KHDRBS2: variants seen among roughly 807,000 people sequenced by gnomAD.
KHDRBS2 encodes KH RNA binding domain containing, signal transduction associated 2.
Under a neutral mutation model 44.3 loss-of-function variants are expected in KHDRBS2, and 26 were observed. That is an observed-to-expected ratio of 0.59 (90% CI 0.43 to 0.81). The LOEUF (loss-of-function observed/expected upper bound fraction) is 0.81. Among genes scored for constraint, KHDRBS2 ranks in the 40% least tolerant of loss-of-function variants. KHDRBS2 has a pLI of 0.00. For synonymous variants in KHDRBS2, 194 were observed against 151.1 expected, an observed-to-expected ratio of 1.28 and a Z score of -2.08; for missense variants, 476 against 433.1, an observed-to-expected ratio of 1.10 and a Z score of -0.88.
chr6:61,547,204 G>A, the KHDRBS2 span, among the ~76,000 whole-genome samples: 2 of 152,100 alleles, frequency 1.3e-5, no homozygotes, highest in Non-Finnish European at 2.9e-5. Context: ...AGAAAGCAAT[G>A]TTGAATCAAA....
At position 62,278,922 on chromosome 6, in the gene KHDRBS2, G is replaced by C. The variant is rs112583918; in HGVS notation, c.91+6936C>G. On this transcript the variant is annotated intron_variant, in intron 1 of 8. Coordinates refer to ENST00000281156, the MANE Select transcript of KHDRBS2 (RefSeq NM_152688.4). ...ATCCTGGTTAACACGGTGAAACCCC[G>C]TCTCTACTAAAAATACAAAAAATTA... 4.2e-3 allele frequency among the ~76,000 whole-genome samples: 635 copies of C among 151,790 alleles called. 5 individuals are homozygous for C. The highest frequency in any genetic ancestry group is 0.015 in the African/African-American group (603 of 41,394).
chr6:62,212,207 A>G (rs1288481145), intron 1 of KHDRBS2, among the ~76,000 whole-genome samples: 4 of 152,200 alleles, frequency 2.6e-5, no homozygotes, highest in Non-Finnish European at 5.9e-5. Context: ...TATGTTACAT[A>G]TATAGGTAGG....
At chr6:61,667,330 T>C in the KHDRBS2 span, among the ~76,000 whole-genome samples, 4 of 151,204 alleles carry the variant, frequency 2.6e-5, no homozygotes, top group African/African-American at 9.7e-5. Context: ...TGTTTCCATT[T>C]ATTTATGACT....
chr6:62,102,095 T>G (rs780263932), intron 2 of KHDRBS2, among the ~76,000 whole-genome samples: 8 of 152,198 alleles, frequency 5.3e-5, no homozygotes, highest in Non-Finnish European at 8.8e-5. Flanking sequence ...TTTTCTATGT[T>G]TATTTTTCCA....
intron 3 of KHDRBS2, among the ~76,000 whole-genome samples, chr6:62,019,590 G>T (rs997973223): frequency 6.6e-6 from 1 of 152,038 alleles, no homozygotes; most frequent in African/African-American, 2.4e-5. Context: ...TTTGTTTGCG[G>T]AAGGCTTCTT....
At chr6:61,933,909 T>C (rs1341077790) in intron 4 of KHDRBS2, among the ~76,000 whole-genome samples, 1 of 152,160 alleles carries the variant, frequency 6.6e-6, no homozygotes, top group Non-Finnish European at 1.5e-5. Context: ...TAATTTACAT[T>C]TCTACCAACA....
intron 3 of KHDRBS2, among the ~76,000 whole-genome samples, chr6:61,997,612 T>G (rs745651054): frequency 2.0e-5 from 3 of 152,178 alleles, no homozygotes. Flanking sequence ...TAGGACCTTC[T>G]TCTAATTTAA....
At chr6:61,547,316 T>C in the KHDRBS2 span, among the ~76,000 whole-genome samples, 2 of 152,182 alleles carry the variant, frequency 1.3e-5, no homozygotes, top group South Asian at 2.1e-4. Context: ...TAAGTGTGCA[T>C]GCAGACTTAA....
At chr6:61,637,913 C>T in the KHDRBS2 span, among the ~76,000 whole-genome samples, 1 of 151,908 alleles carries the variant, frequency 6.6e-6, no homozygotes, top group Non-Finnish European at 1.5e-5. Context: ...TGTTTGAGTT[C>T]ATTGTAGATT....
At chr6:61,596,460 G>C in the KHDRBS2 span, among the ~76,000 whole-genome samples, 2 of 151,964 alleles carry the variant, frequency 1.3e-5, no homozygotes, top group African/African-American at 4.8e-5. Context: ...AATACACATA[G>C]ACATGTAGTC....
intron 4 of KHDRBS2, among the ~76,000 whole-genome samples, chr6:61,917,122 T>C (rs530798026): frequency 1.3e-5 from 2 of 151,850 alleles, no homozygotes; most frequent in South Asian, 4.2e-4. Context: ...AAAACTTACA[T>C]GCGCACAGTA....
chr6:61,953,944 C>A (rs1007263185), intron 4 of KHDRBS2, among the ~76,000 whole-genome samples: 1 of 152,062 alleles, frequency 6.6e-6, no homozygotes, highest in Non-Finnish European at 1.5e-5. Flanking sequence ...AGACCTATGA[C>A]AAGTTTCTAG....
At chr6:61,604,699 T>G in the KHDRBS2 span, among the ~76,000 whole-genome samples, 1 of 152,200 alleles carries the variant, frequency 6.6e-6, no homozygotes, top group South Asian at 2.1e-4. Context: ...CACATCAAGC[T>G]TGGGGATTTG....
chr6:61,604,166 G>A, the KHDRBS2 span, among the ~76,000 whole-genome samples: 2 of 152,144 alleles, frequency 1.3e-5, no homozygotes, highest in Non-Finnish European at 2.9e-5. Flanking sequence ...TGTTATAGGG[G>A]CTGAAAGAAA....
chr6:62,166,288 T>C (rs1406147839), intron 2 of KHDRBS2, among the ~76,000 whole-genome samples: 36 of 152,176 alleles, frequency 2.4e-4, no homozygotes, highest in Admixed American at 1.2e-3. Context: ...GAACAAACAC[T>C]AATGCTCAAC....
chr6:61,928,017 T>G (rs1473751691), intron 4 of KHDRBS2, among the ~76,000 whole-genome samples: 2 of 152,118 alleles, frequency 1.3e-5, no homozygotes, highest in Admixed American at 1.3e-4. Context: ...TTGAAAGATA[T>G]GAAGTATTTT....
chr6:61,597,732 TTA>T, the KHDRBS2 span, among the ~76,000 whole-genome samples: 554 of 37,402 alleles, frequency 0.015, 59 homozygotes, highest in African/African-American at 0.044. Flanking sequence ...TTTGCACCTT[TTA>T]TATATATATA....
At chr6:61,905,161 T>G (rs1804732199) in intron 4 of KHDRBS2, among the ~76,000 whole-genome samples, 1 of 152,104 alleles carries the variant, frequency 6.6e-6, no homozygotes, top group Non-Finnish European at 1.5e-5. Flanking sequence ...CTTTACTTAA[T>G]AAGAAAATAA....
At chr6:61,822,144 T>G (rs1790017121) in intron 6 of KHDRBS2, among the ~76,000 whole-genome samples, 1 of 152,002 alleles carries the variant, frequency 6.6e-6, no homozygotes, top group Admixed American at 6.6e-5. Context: ...TCTGATAAAC[T>G]TTAGACCTGT....
Sources: allele counts gnomAD v4.1 joint callset (sites outside exome capture counted in the v4.1 genomes callset), GRCh38; gene constraint gnomAD v4.1.1; transcripts MANE v1.5; gene names NCBI Gene and HGNC (gene_info 2026-07-23, HGNC 2026-07-21).